Variants in PTCHD4 observed in about 807,000 individuals in gnomAD.
PTCHD4 encodes the protein patched domain containing 4, also known as patched domain-containing protein 4.
In PTCHD4, 33 loss-of-function variants were observed where a neutral mutation model predicts 58.1. The ratio of observed to expected loss-of-function variants is 0.57; its 90% CI spans 0.43 to 0.76. The LOEUF is 0.76. Ranked by LOEUF, PTCHD4 falls within the 30% of genes least tolerant of loss-of-function variation. PTCHD4 has a pLI of 0.00. For missense variants in PTCHD4, 1,058 were observed against 1,027.1 expected, an observed-to-expected ratio of 1.03 and a Z score of -0.41; for synonymous variants, 478 against 409.6, an observed-to-expected ratio of 1.17 and a Z score of -2.02.
At position 48,047,613 on chromosome 6, in the gene PTCHD4, C is replaced by T. The variant is rs369571278; in HGVS notation, c.417+20617G>A. Reference sequence around the variant, plus strand: ...TCCCCAAAATTAGTATATTGAGATCCTAATCCCCAATGTGATGCTATTTGA... The same window carrying T: ...TCCCCAAAATTAGTATATTGAGATCTTAATCCCCAATGTGATGCTATTTGA... On this transcript the variant is annotated intron_variant, in intron 3 of 4. Coordinates refer to ENST00000339488, the MANE Select transcript of PTCHD4 (RefSeq NM_001384253.1). Among the ~76,000 whole-genome samples the T allele has an allele frequency of 5.9e-5, 9 of 151,896 alleles. No homozygotes were observed. The East Asian group carries it at 1.2e-3, about 20-fold the overall frequency.
intron 4 of PTCHD4, among the ~76,000 whole-genome samples, chr6:47,891,787 A>G (rs997325273): frequency 6.6e-6 from 1 of 151,254 alleles, no homozygotes; most frequent in Admixed American, 6.6e-5. Flanking sequence ...TAGTCAATAA[A>G]CCTAAATGTG....
intron 3 of PTCHD4, among the ~76,000 whole-genome samples, chr6:48,014,516 T>G (rs1180587886): frequency 6.6e-6 from 1 of 152,156 alleles, no homozygotes; most frequent in African/African-American, 2.4e-5. Flanking sequence ...TAAAAGTTCC[T>G]TAGTTCATGG....
intron 4 of PTCHD4, among the ~76,000 whole-genome samples, chr6:47,884,585 C>A (rs2114109409): frequency 6.6e-6 from 1 of 152,328 alleles, no homozygotes; most frequent in South Asian, 2.1e-4. Context: ...ATTGGAACTA[C>A]ATTATATTAT....
intron 4 of PTCHD4, among the ~76,000 whole-genome samples, chr6:47,916,458 C>T (rs139804066): frequency 4.7e-4 from 71 of 152,128 alleles, no homozygotes; most frequent in Middle Eastern, 3.4e-3. Context: ...CCATTTTGAG[C>T]CAAAGCAAGA....
intron 4 of PTCHD4, among the ~76,000 whole-genome samples, chr6:47,967,617 T>C (rs1767342945): frequency 6.6e-6 from 1 of 152,240 alleles, no homozygotes; most frequent in Non-Finnish European, 1.5e-5. Context: ...TTGTTTAGTG[T>C]AGCCACCTTG....
intron 4 of PTCHD4, among the ~76,000 whole-genome samples, chr6:47,994,289 G>T (rs746181666): frequency 6.6e-6 from 1 of 152,166 alleles, no homozygotes; most frequent in African/African-American, 2.4e-5. Flanking sequence ...CCCCATGCAA[G>T]GCACCCAAGG....
At chr6:47,984,587 A>T (rs189049578) in intron 4 of PTCHD4, among the ~76,000 whole-genome samples, 1 of 152,306 alleles carries the variant, frequency 6.6e-6, no homozygotes, top group African/African-American at 2.4e-5. Flanking sequence ...TTTATTGGTG[A>T]TTGCATTAAA....
intron 3 of PTCHD4, among the ~76,000 whole-genome samples, chr6:48,016,921 T>G (rs1385022813): frequency 6.6e-6 from 1 of 152,232 alleles, no homozygotes; most frequent in Admixed American, 6.5e-5. Flanking sequence ...ACACTTTCTG[T>G]GACTGCAAGA....
At chr6:48,063,345 A>C (rs949501305) in intron 3 of PTCHD4, among the ~76,000 whole-genome samples, 2 of 152,160 alleles carry the variant, frequency 1.3e-5, no homozygotes, top group African/African-American at 4.8e-5. Flanking sequence ...TGAGCCAGTC[A>C]CTCTGAGCAA....
At chr6:47,997,375 C>A (rs770871435) in intron 4 of PTCHD4, among the ~76,000 whole-genome samples, 1 of 151,820 alleles carries the variant, frequency 6.6e-6, no homozygotes, top group Non-Finnish European at 1.5e-5. Flanking sequence ...ATTATTTATG[C>A]CTTTTATTAT....
chr6:48,058,266 C>T (rs112203876), intron 3 of PTCHD4, among the ~76,000 whole-genome samples: 14 of 152,316 alleles, frequency 9.2e-5, no homozygotes, highest in South Asian at 8.3e-4. Flanking sequence ...CAGCAGATCC[C>T]GAATTAGGTC....
chr6:48,047,578 T>G (rs1764079569), intron 3 of PTCHD4, among the ~76,000 whole-genome samples: 1 of 151,884 alleles, frequency 6.6e-6, no homozygotes, highest in Non-Finnish European at 1.5e-5. Context: ...TGCTATGGAC[T>G]GTTTATCTCT....
intron 4 of PTCHD4, among the ~76,000 whole-genome samples, chr6:47,918,846 A>T (rs1355344998): frequency 6.6e-6 from 1 of 152,146 alleles, no homozygotes; most frequent in Non-Finnish European, 1.5e-5. Flanking sequence ...TAATCACATG[A>T]CTAAGTTCTG....
intron 4 of PTCHD4, among the ~76,000 whole-genome samples, chr6:47,980,580 C>T (rs377326468): frequency 7.6e-4 from 116 of 152,074 alleles, no homozygotes; most frequent in Middle Eastern, 6.8e-3. Flanking sequence ...TTATTGAATT[C>T]TGTTGATAAC....
intron 1 of PTCHD4, among the ~76,000 whole-genome samples, chr6:48,077,269 A>G (rs1011275176): frequency 6.6e-6 from 1 of 152,232 alleles, no homozygotes; most frequent in African/African-American, 2.4e-5. Context: ...GGCACCAGAC[A>G]TATCTGCTCC....
chr6:48,020,771 T>C (rs1438263446), intron 3 of PTCHD4, among the ~76,000 whole-genome samples: 4 of 152,100 alleles, frequency 2.6e-5, no homozygotes, highest in Non-Finnish European at 5.9e-5. Flanking sequence ...TGCAAAACTA[T>C]ACACATTACA....
chr6:48,080,030 A>G (rs557741351), intron 1 of PTCHD4, among the ~76,000 whole-genome samples: 33 of 139,200 alleles, frequency 2.4e-4, no homozygotes, highest in Non-Finnish European at 4.1e-4. Context: ...AATTGAGAGG[A>G]AAGAAATAGA....
chr6:47,975,152 A>C (rs1304789329), intron 4 of PTCHD4, among the ~76,000 whole-genome samples: 1 of 152,136 alleles, frequency 6.6e-6, no homozygotes, highest in African/African-American at 2.4e-5. Flanking sequence ...GATTGTTTGC[A>C]TCTTGAAGTT....
Position 47,858,238 on chromosome 6 carries a change from T to A in PTCHD4, c.*20065A>T, listed in dbSNP as rs980878186. Among the ~76,000 whole-genome samples the A allele has an allele frequency of 6.6e-6, 1 of 151,976 alleles. No homozygotes were observed. The highest frequency in any genetic ancestry group is 2.4e-5 in the African/African-American group (1 of 41,432). On this transcript the variant is annotated 3_prime_UTR_variant, in exon 5 of 5. Transcript: ENST00000339488. ...TTGATTTTATAGCAGGCACCCCCAA[T>A]TTTGGATTCAGGGGCAGACATAAGA...
Sources: gnomAD v4.1 joint callset for allele counts (sites outside exome capture counted in the v4.1 genomes callset) on GRCh38, gnomAD v4.1.1 for gene constraint, MANE v1.5 for transcripts, NCBI Gene and HGNC (gene_info 2026-07-23, HGNC 2026-07-21) for gene names.